The following C5 variants were observed in gnomAD, a reference collection of about 807,000 sequenced individuals.
C5 encodes the protein complement C5, also known as C3 and PZP-like alpha-2-macroglobulin domain-containing protein 4.
C5 carries 140 observed loss-of-function variants against 218.8 expected under a neutral mutation model. The ratio of observed to expected loss-of-function variants is 0.64; its 90% CI spans 0.56 to 0.74. C5 has a LOEUF of 0.74. Among genes scored for constraint, C5 ranks in the 30% least tolerant of loss-of-function variants. The pLI, the probability that C5 is intolerant of heterozygous loss-of-function variation, is 0.00. For missense variants in C5, 1,700 were observed against 1,969.6 expected, an observed-to-expected ratio of 0.86 and a Z score of 2.59; for synonymous variants, 614 against 682.3, an observed-to-expected ratio of 0.90 and a Z score of 1.56.
At chr9:121,054,588 A>T (rs891548281), upstream of C5, among the ~76,000 whole-genome samples, 2 of 152,250 alleles carry the variant, frequency 1.3e-5, no homozygotes, top group Non-Finnish European at 2.9e-5. Flanking sequence ...CAACGAGAGC[A>T]AAACGCTGCC....
At chr9:121,025,110 T>TTTTGA (rs2047408272) in intron 9 of C5, among the ~76,000 whole-genome samples, 1 of 152,194 alleles carries the variant, frequency 6.6e-6, no homozygotes. Flanking sequence ...CTTATTTTGG[T>TTTTGA]TTTGATTTTC....
chr9:121,070,219 T>C, the C5 span, among the ~76,000 whole-genome samples: 1 of 151,682 alleles, frequency 6.6e-6, no homozygotes, highest in Non-Finnish European at 1.5e-5. Flanking sequence ...TAGCTGGGTA[T>C]GTTGGCAGGC....
At chr9:121,018,891 A>G (rs2047340043) in intron 12 of C5, among the ~76,000 whole-genome samples, 1 of 152,086 alleles carries the variant, frequency 6.6e-6, no homozygotes, top group Non-Finnish European at 1.5e-5. Context: ...CATCAATAAG[A>G]GGAATATTAT....
chr9:120,957,796 G>A (rs1265947435), intron 38 of C5, among the ~76,000 whole-genome samples: 1 of 152,170 alleles, frequency 6.6e-6, no homozygotes, highest in African/African-American at 2.4e-5. Flanking sequence ...GAGCTTTCTT[G>A]GTTCCTTGCT....
At chr9:121,041,142 C>G (rs950953913) in intron 3 of C5, among the ~76,000 whole-genome samples, 7 of 151,648 alleles carry the variant, frequency 4.6e-5, no homozygotes, top group Admixed American at 2.0e-4. Flanking sequence ...CAGGGTTTCA[C>G]CATGTTGGTC....
the C5 span, among the ~76,000 whole-genome samples, chr9:121,068,019 C>T: frequency 1.0e-3 from 157 of 152,172 alleles, 1 homozygote; most frequent in Non-Finnish European, 1.9e-3. Flanking sequence ...AAGCCTGCAG[C>T]GCACATTATC....
Position 120,976,822 on chromosome 9 carries a change from C to T in C5, c.3742G>A (p.Val1248Ile), listed in dbSNP as rs762014592. 1.9e-6 allele frequency: 3 copies of T among 1,614,078 alleles called. No homozygotes were observed. The highest frequency in any genetic ancestry group is 2.5e-6 in the Non-Finnish European group (3 of 1,179,952). The change falls in exon 29 of 41, where the codon GTA (valine) becomes ATA (isoleucine). Residue 1248 changes from valine (V) to isoleucine (I), a missense_variant. Val to Ile is a conservative substitution (Grantham distance 29). Transcript: ENST00000223642. ...AGTAAAGCATAGGCAGTTGTTTCTA[C>T]CATACGTGCCGTACCAGTGTTAGGT... ...SVPNTGTARM[V>I]ETTAYALLTS...
At chr9:121,008,144 G>T (rs2047231232) in intron 18 of C5, among the ~76,000 whole-genome samples, 1 of 152,174 alleles carries the variant, frequency 6.6e-6, no homozygotes. Flanking sequence ...ATAGTTGTGT[G>T]TAGTAAATGC....
chr9:121,006,967 G>A lies in C5; in HGVS notation c.2359C>T (p.Gln787Ter), dbSNP rs754405436. The A allele has an allele frequency of 6.2e-7, 1 of 1,610,638 alleles. No homozygotes were observed. Among genetic ancestry groups the A allele is most frequent in the Non-Finnish European group, 8.5e-7 (1 of 1,176,978 alleles). ...VHLVPRRKQL[Q>*]FALPDSLTTW... is the part of the protein sequence containing the mutation. ...GTTAGAGAATCAGGTAGGGCAAACT[G>A]CAACTGTTTTCTGGAAGTTAAAATG... Residue 787 changes from glutamine (Q) to a stop codon, truncating the protein, a stop_gained, in exon 19 of 41, where the codon CAG becomes TAG. Transcript: ENST00000223642. LOFTEE classifies it high-confidence loss of function.
chr9:121,003,477 A>T (rs1587972860), intron 20 of C5, among the ~76,000 whole-genome samples: 1 of 152,328 alleles, frequency 6.6e-6, no homozygotes, highest in East Asian at 1.9e-4. Flanking sequence ...TTGTGAAAAA[A>T]AGAGTGACAT....
chr9:121,000,450 G>A (rs1281329468), intron 20 of C5, among the ~76,000 whole-genome samples: 2 of 152,120 alleles, frequency 1.3e-5, no homozygotes, highest in African/African-American at 4.8e-5. Context: ...TGATACTGAT[G>A]TAAACAAAAC....
upstream of C5, among the ~76,000 whole-genome samples, chr9:121,050,653 CTCAGTT>C (rs2047665130): frequency 6.6e-6 from 1 of 152,172 alleles, no homozygotes; most frequent in African/African-American, 2.4e-5. Flanking sequence ...CCCACCTGGA[CTCAGTT>C]TCACACTGAA....
chr9:121,072,105 G>T, the C5 span, among the ~76,000 whole-genome samples: 1 of 152,090 alleles, frequency 6.6e-6, no homozygotes, highest in Non-Finnish European at 1.5e-5. Context: ...CTCTAGCTTC[G>T]TTAGAGATGA....
Position 120,989,739 on chromosome 9 carries a change from C to T in C5, c.2983G>A (p.Glu995Lys). The change falls in exon 24 of 41, where the codon GAA becomes AAA. Residue 995 changes from glutamate (E) to lysine (K), a missense_variant. Coordinates refer to ENST00000223642, the MANE Select transcript of C5 (RefSeq NM_001735.3). Reference protein sequence around the residue: ...GEILSAVLSQEGINILTHLPK... With the variant: ...GEILSAVLSQKGINILTHLPK... ...AGGTGGGTTAGGATATTGATGCCTT[C>T]CTGACTTAGAACTGCAGACAAGATC... is the stretch of plus-strand genomic sequence containing the variant. The T allele has an allele frequency of 6.2e-7, 1 of 1,614,064 alleles. No individual in the cohort carries two copies. The highest frequency in any genetic ancestry group is 8.5e-7 in the Non-Finnish European group (1 of 1,180,004).
the C5 span, among the ~76,000 whole-genome samples, chr9:121,074,183 G>A: frequency 2.0e-5 from 3 of 152,074 alleles, no homozygotes; most frequent in Non-Finnish European, 2.9e-5. Flanking sequence ...CCTTCAAAAC[G>A]GGAGGCTACT....
intron 34 of C5, 110 bp downstream of exon 34, chr9:120,963,526 G>A (rs2046843251): frequency 6.1e-6 from 5 of 824,342 alleles, no homozygotes; most frequent in South Asian, 3.1e-5. Context: ...AATATTCTGG[G>A]TGATTCTATA....
chr9:121,009,594 C>A (rs565466196), intron 17 of C5, among the ~76,000 whole-genome samples: 1 of 152,304 alleles, frequency 6.6e-6, no homozygotes, highest in East Asian at 1.9e-4. Context: ...GAGGGGAGAG[C>A]AAGATGGCTG....
intron 32 of C5, among the ~76,000 whole-genome samples, chr9:120,969,769 C>T (rs904015283): frequency 1.3e-5 from 2 of 152,084 alleles, no homozygotes; most frequent in Non-Finnish European, 2.9e-5. Context: ...TACAGAAAGG[C>T]TAAGGGATGG....
intron 25 of C5, among the ~76,000 whole-genome samples, chr9:120,985,496 T>G (rs1003867043): frequency 2.0e-5 from 3 of 152,166 alleles, no homozygotes; most frequent in African/African-American, 7.2e-5. Flanking sequence ...AAGAGACATA[T>G]GAAGATGTTC....
Sources: gnomAD v4.1 joint callset for allele counts (sites outside exome capture counted in the v4.1 genomes callset) on GRCh38, gnomAD v4.1.1 for gene constraint, MANE v1.5 for transcripts, NCBI Gene and HGNC (gene_info 2026-07-23, HGNC 2026-07-21) for gene names.